WDFY1: variants seen among roughly 807,000 people sequenced by gnomAD.
WDFY1 encodes WD repeat and FYVE domain containing 1, also known as WD repeat and FYVE domain-containing protein 1.
WDFY1 carries 32 observed loss-of-function variants against 56.4 expected under a neutral mutation model. The observed-to-expected ratio is 0.57, with a 90% CI of 0.43 to 0.76. WDFY1 has a LOEUF of 0.76. Ranked by LOEUF, WDFY1 falls within the 30% of genes least tolerant of loss-of-function variation. WDFY1 has a pLI of 0.00. For missense variants in WDFY1, 480 were observed against 545.7 expected, an observed-to-expected ratio of 0.88 and a Z score of 1.20; for synonymous variants, 192 against 197.3, an observed-to-expected ratio of 0.97 and a Z score of 0.23.
At chr2:223,927,226 G>A (rs1436497291) in intron 1 of WDFY1, among the ~76,000 whole-genome samples, 2 of 152,176 alleles carry the variant, frequency 1.3e-5, no homozygotes, top group East Asian at 3.8e-4. Context: ...CCTATCTTTT[G>A]GAGCTTTGAA....
At chr2:223,928,223 C>T (rs540197843) in intron 1 of WDFY1, among the ~76,000 whole-genome samples, 12 of 152,306 alleles carry the variant, frequency 7.9e-5, no homozygotes, top group African/African-American at 2.9e-4. Context: ...CACAGATAGA[C>T]TTGCCTGGTG....
chr2:223,887,951 A>G (rs1427235652), intron 8 of WDFY1, among the ~76,000 whole-genome samples: 1 of 152,248 alleles, frequency 6.6e-6, no homozygotes, highest in Non-Finnish European at 1.5e-5. Context: ...AGTTTCAGGA[A>G]AAACGTTCTC....
intron 8 of WDFY1, among the ~76,000 whole-genome samples, chr2:223,891,633 A>G (rs1693281377): frequency 1.3e-5 from 2 of 152,182 alleles, no homozygotes; most frequent in Non-Finnish European, 2.9e-5. Context: ...TACACTCCAC[A>G]GTGATGCACT....
intron 1 of WDFY1, among the ~76,000 whole-genome samples, chr2:223,929,198 T>TTTTTG (rs1694036621): frequency 6.4e-5 from 9 of 140,328 alleles, no homozygotes; most frequent in African/African-American, 2.2e-4. Flanking sequence ...TGTTTTTTTT[T>TTTTTG]TTTTTTGAGA....
chr2:223,920,821 A>T (rs1000590987), intron 1 of WDFY1, among the ~76,000 whole-genome samples: 1 of 152,208 alleles, frequency 6.6e-6, no homozygotes, highest in Non-Finnish European at 1.5e-5. Flanking sequence ...TAAAACAGAG[A>T]GTGGCTGAAC....
In WDFY1 at chr2:223,937,577, CTG is replaced by C. The variant is rs1689215242; in HGVS notation, c.137+7569_137+7570del. Among the ~76,000 whole-genome samples the C allele has an allele frequency of 5.9e-5, 9 of 152,264 alleles. No individual in the cohort carries two copies. The South Asian group carries it at 1.9e-3, about 32-fold the overall frequency. ...CATGTCCATTTTGCACATGAGAAAA[CTG>C]TGATACAGTGAGGTTAAATAACTTG... On this transcript the variant is annotated intron_variant, in intron 1 of 11. Coordinates refer to ENST00000233055, the MANE Select transcript of WDFY1 (RefSeq NM_020830.5).
chr2:223,902,850 C>T (rs1185504006), intron 4 of WDFY1, among the ~76,000 whole-genome samples: 1 of 151,632 alleles, frequency 6.6e-6, no homozygotes, highest in Non-Finnish European at 1.5e-5. Flanking sequence ...CTGTCTCACT[C>T]AAAACACTTT....
intron 3 of WDFY1, among the ~76,000 whole-genome samples, chr2:223,908,927 G>A (rs1379031523): frequency 6.6e-6 from 1 of 152,152 alleles, no homozygotes; most frequent in East Asian, 1.9e-4. Flanking sequence ...GACAGTTCTT[G>A]AGGCCACAGC....
At chr2:223,939,268 C>T (rs1467201226) in intron 1 of WDFY1, among the ~76,000 whole-genome samples, 1 of 152,146 alleles carries the variant, frequency 6.6e-6, no homozygotes, top group Non-Finnish European at 1.5e-5. Flanking sequence ...TTCTGATGCA[C>T]ATTCAAGTTA....
intron 8 of WDFY1, among the ~76,000 whole-genome samples, chr2:223,887,319 T>C (rs527604383): frequency 6.6e-6 from 1 of 152,278 alleles, no homozygotes; most frequent in Non-Finnish European, 1.5e-5. Context: ...AGCGTAACTC[T>C]TGCAAAACCA....
chr2:223,887,948 G>A (rs1166476748), intron 8 of WDFY1, among the ~76,000 whole-genome samples: 1 of 152,034 alleles, frequency 6.6e-6, no homozygotes, highest in Non-Finnish European at 1.5e-5. Context: ...CATAGTTTCA[G>A]GAAAAACGTT....
intron 7 of WDFY1, chr2:223,894,553 T>C: frequency 1.9e-6 from 1 of 536,376 alleles, no homozygotes; most frequent in South Asian, 2.2e-5. Flanking sequence ...ATATGACTAC[T>C]TTCAAATCGG....
chr2:223,905,310 TA>T (rs10707929), intron 4 of WDFY1, among the ~76,000 whole-genome samples: 2,174 of 150,344 alleles, frequency 0.014, 49 homozygotes, highest in African/African-American at 0.05. Flanking sequence ...GAATTTGTCT[TA>T]AAAAAAAAAT....
At chr2:223,931,537 T>A (rs1694072703) in intron 1 of WDFY1, among the ~76,000 whole-genome samples, 1 of 152,146 alleles carries the variant, frequency 6.6e-6, no homozygotes, top group Admixed American at 6.5e-5. Context: ...AAAATACACT[T>A]AAGGGAATCA....
At chr2:223,896,698 T>C (rs1219939946) in intron 6 of WDFY1, among the ~76,000 whole-genome samples, 1 of 152,220 alleles carries the variant, frequency 6.6e-6, no homozygotes, top group South Asian at 2.1e-4. Flanking sequence ...AAATTAATGA[T>C]GCCATATTCA....
In WDFY1 at chr2:223,878,285, A is replaced by G. The variant is rs1221156326; in HGVS notation, c.*386T>C. ...TGACAACAGCCACAAGAACCCTGGA[A>G]GGCCCCCTAGGCTAAGTGAAGTGTC... On this transcript the variant is annotated 3_prime_UTR_variant, in exon 12 of 12. Transcript: ENST00000233055. 3 of 156,068 alleles carry G rather than the reference A, an allele frequency of 1.9e-5. No homozygotes were observed. Among genetic ancestry groups the G allele is most frequent in the African/African-American group, 7.2e-5 (3 of 41,588 alleles). The allele number at this position is 156,068 out of a possible 1,614,324, so 9.7% of individuals were successfully genotyped here. A position where few individuals can be genotyped will look rare whatever the true frequency, so the allele number is the denominator to read the frequency against.
intron 1 of WDFY1, among the ~76,000 whole-genome samples, chr2:223,934,676 A>C (rs981822010): frequency 3.3e-4 from 50 of 151,930 alleles, no homozygotes; most frequent in Middle Eastern, 3.4e-3. Flanking sequence ...ATCTGCCACC[A>C]TGCCTGGCTA....
rs974896131 is a variant in WDFY1, at chr2:223,880,957, C to T, written c.1065-725G>A. On this transcript the variant is annotated intron_variant, in intron 10 of 11. Transcript: ENST00000233055. ...AGCACCCGCTTCAAAGCCCAGCTGC[C>T]CCAATCCCATCACTAGTTCATTTAC... Among the ~76,000 whole-genome samples the T allele has an allele frequency of 4.6e-5, 7 of 152,292 alleles. No homozygotes were observed. In the South Asian group the frequency reaches 1.5e-3, roughly 32 times the overall value.
intron 2 of WDFY1, among the ~76,000 whole-genome samples, chr2:223,915,121 A>G (rs929218616): frequency 5.9e-5 from 9 of 152,240 alleles, no homozygotes; most frequent in African/African-American, 2.2e-4. Context: ...TATTTCTCAC[A>G]ATGCATTCAC....
Sources: allele counts gnomAD v4.1 joint callset (sites outside exome capture counted in the v4.1 genomes callset), GRCh38; gene constraint gnomAD v4.1.1; transcripts MANE v1.5; gene names NCBI Gene and HGNC (gene_info 2026-07-23, HGNC 2026-07-21).